The following MICB variants were observed in gnomAD, a reference collection of about 807,000 sequenced individuals.
The protein encoded by MICB is MHC class I polypeptide-related sequence B, also known as MHC class I antigen-related protein B.
Under a neutral mutation model 34.3 loss-of-function variants are expected in MICB, and 27 were observed. That is an observed-to-expected ratio of 0.79 (90% CI 0.58 to 1.08). The LOEUF (loss-of-function observed/expected upper bound fraction) is 1.08, where lower values mean the gene tolerates loss of function less well. Among genes scored for constraint, MICB ranks in the 50% least tolerant of loss-of-function variants. MICB has a pLI of 0.00. For synonymous variants in MICB, 153 were observed against 187.4 expected, an observed-to-expected ratio of 0.82 and a Z score of 1.50; for missense variants, 426 against 483.1, an observed-to-expected ratio of 0.88 and a Z score of 1.11.
intron 1 of MICB, among the ~76,000 whole-genome samples, chr6:31,500,785 C>CCA (rs1275742635): frequency 6.6e-6 from 1 of 152,198 alleles, no homozygotes; most frequent in African/African-American, 2.4e-5. Context: ...GAATAGTACT[C>CCA]CACATACACG....
intron 1 of MICB, among the ~76,000 whole-genome samples, chr6:31,499,447 T>C (rs1764898112): frequency 6.6e-6 from 1 of 151,062 alleles, no homozygotes; most frequent in South Asian, 2.1e-4. Flanking sequence ...TCCTGCCTCC[T>C]TTATGGGCCT....
upstream of MICB, among the ~76,000 whole-genome samples, chr6:31,496,366 CTTT>C (rs3034154): frequency 0.32 from 38,557 of 121,118 alleles, 3,885 homozygotes; most frequent in East Asian, 0.35. Flanking sequence ...TCCTTTTTTT[CTTT>C]TTTTTTTTTT....
chr6:31,494,969 C>T (rs1171676612), upstream of MICB: 1 of 70,186 alleles, frequency 1.4e-5, no homozygotes, highest in Non-Finnish European at 2.9e-5. Flanking sequence ...GAAGTCGCCT[C>T]TGTGCTCGTG....
At chr6:31,498,446 C>CTTTTTTTTTTTTT (rs9279321) in intron 1 of MICB, among the ~76,000 whole-genome samples, 183 bp downstream of exon 1, 5 of 89,306 alleles carry the variant, frequency 5.6e-5, no homozygotes, top group East Asian at 3.4e-4. Context: ...TCTCCCGTCT[C>CTTTTTTTTTTTTT]TTTTTTTTTT....
rs1765356351 is a variant in MICB, at chr6:31,506,717, C to A, written c.613+287C>A. 2.0e-5 allele frequency among the ~76,000 whole-genome samples: 3 copies of A among 152,154 alleles called. No homozygotes were observed. In the South Asian group the frequency reaches 6.2e-4, roughly 32 times the overall value. On this transcript the variant is annotated intron_variant, in intron 3 of 5. Transcript: ENST00000252229. Reference sequence around the variant, plus strand: ...GGAAGCCCTCAGGGCCAGGGCTGCCCCCTCTGCCTCCCGGCCTGCCCATCC... The same window carrying A: ...GGAAGCCCTCAGGGCCAGGGCTGCCACCTCTGCCTCCCGGCCTGCCCATCC...
intron 5 of MICB, among the ~76,000 whole-genome samples, chr6:31,509,048 A>G (rs531492898): frequency 6.6e-6 from 1 of 152,260 alleles, no homozygotes; most frequent in African/African-American, 2.4e-5. Context: ...ACAGAGCAGG[A>G]AGGCCTCACA....
At position 31,507,567 on chromosome 6, in the gene MICB, C is replaced by T. The variant is rs772593233; in HGVS notation, c.1024+36C>T. 3 of 1,613,388 alleles carry T rather than the reference C, an allele frequency of 1.9e-6. No individual in the cohort carries two copies. The highest frequency in any genetic ancestry group is 2.5e-6 in the Non-Finnish European group (3 of 1,179,648). ...GGGACAGTTTCTGGAGATGGGAAAG[C>T]TCCTTTCTAGGCAGTAGGGTCTCCT... On this transcript the variant is annotated intron_variant, in intron 5 of 5. Transcript: ENST00000252229. This position sits in a 1 kb window ranked among gnomAD's most constrained non-coding sequence, Gnocchi z 6.0.
chr6:31,505,960 C>G, intron 2 of MICB, 89 bp downstream of exon 2: 1 of 1,501,584 alleles, frequency 6.7e-7, no homozygotes, highest in Non-Finnish European at 8.9e-7. Context: ...CCCGCTGGAT[C>G]TGGCTGGGGG....
upstream of MICB, among the ~76,000 whole-genome samples, chr6:31,497,452 G>A (rs1764727405): frequency 6.6e-6 from 1 of 152,054 alleles, no homozygotes; most frequent in South Asian, 2.1e-4. Flanking sequence ...GATTACCCAG[G>A]AACTGAATAG....
In MICB at chr6:31,509,742, T is replaced by C. The variant is rs753099586; in HGVS notation, c.1025-40T>C. 7 of 1,577,634 alleles carry C rather than the reference T, an allele frequency of 4.4e-6. No homozygotes were observed. In the Admixed American group the frequency reaches 5.4e-5, roughly 12 times the overall value. ...AGTCCTTAGGGAATAAACACAACAC[T>C]GCACCCAGTGGAGCATTTACCCGTT... On this transcript the variant is annotated intron_variant, in intron 5 of 5. Transcript: ENST00000252229.
Position 31,506,395 on chromosome 6 carries a change from G to C in MICB, c.578G>C (p.Arg193Pro). 10 of 1,614,100 alleles carry C rather than the reference G, an allele frequency of 6.2e-6. No individual in the cohort carries two copies. The highest frequency in any genetic ancestry group is 7.6e-6 in the Non-Finnish European group (9 of 1,179,988). The change falls in exon 3 of 6, where the codon CGA (arginine) becomes CCA (proline). Residue 193 changes from arginine to proline, a missense_variant. Arg to Pro is a moderately radical substitution (Grantham distance 103). Transcript: ENST00000252229. ...GCAGACTGCCTGCAGAAACTACAGC[G>C]ATATCTGAAATCCGGGGTGGCCATC... ...MQADCLQKLQ[R>P]YLKSGVAIRR... is the part of the protein sequence containing the mutation.
upstream of MICB, among the ~76,000 whole-genome samples, chr6:31,495,154 T>A (rs2534681): frequency 0.49 from 73,794 of 151,576 alleles, 18,429 homozygotes; most frequent in East Asian, 0.64. Context: ...GCTCAAGACC[T>A]TCTTGGCCTC....
rs775923426 is a variant in MICB, at chr6:31,506,310, G to A, written c.493G>A (p.Val165Ile). 3.2e-5 allele frequency: 52 copies of A among 1,614,100 alleles called. No individual in the cohort carries two copies. In the Admixed American group the frequency reaches 3.5e-4, roughly 11 times the overall value. The change falls in exon 3 of 6, where the codon GTC becomes ATC. Residue 165 changes from valine (V) to isoleucine (I), a missense_variant. Coordinates refer to ENST00000252229, the MANE Select transcript of MICB (RefSeq NM_005931.5). ...CAGAGCTCAGACCTTGGCTATGAAC[G>A]TCACAAATTTCTGGAAGGAAGATGC... ...SSRAQTLAMN[V>I]TNFWKEDAMK...
chr6:31,502,152 A>G (rs578023284), intron 1 of MICB, among the ~76,000 whole-genome samples: 1 of 152,248 alleles, frequency 6.6e-6, no homozygotes, highest in Non-Finnish European at 1.5e-5. Flanking sequence ...CCTGATCAAC[A>G]TGGGGAAACC....
chr6:31,498,126 G>C (rs1764769837), upstream of MICB: 1 of 1,354,456 alleles, frequency 7.4e-7, no homozygotes, highest in East Asian at 3.2e-5. Context: ...AATTTCGACG[G>C]GGTCTTCTCA....
Position 31,507,070 on chromosome 6 carries a change from T to A in MICB, c.662T>A (p.Ile221Asn), listed in dbSNP as rs1329453815. 6.2e-7 allele frequency: 1 copy of A among 1,613,794 alleles called. No homozygotes were observed. ...VTCSEVSEGN[I>N]TVTCRASSFY... ...TGCAGCGAGGTCTCAGAGGGCAACATCACCGTGACATGCAGGGCTTCCAGC... is the reference window on the plus strand; with the variant it reads ...TGCAGCGAGGTCTCAGAGGGCAACAACACCGTGACATGCAGGGCTTCCAGC... Residue 221 changes from isoleucine to asparagine, a missense_variant, in exon 4 of 6, where the codon ATC becomes AAC. Physicochemically the swap from Ile to Asn is moderately radical, Grantham distance 149. Transcript: ENST00000252229. This position sits in a 1 kb window ranked among gnomAD's most constrained non-coding sequence, Gnocchi z 6.0.
In MICB at chr6:31,507,822, C is replaced by T. The variant is rs1237042397; in HGVS notation, c.1024+291C>T. On this transcript the variant is annotated intron_variant, in intron 5 of 5. Transcript: ENST00000252229. This position sits in a 1 kb window ranked among gnomAD's most constrained non-coding sequence, Gnocchi z 6.0. Reference sequence around the variant, plus strand: ...GCACCTGCTCTGTCCCCATCCCAGCCTCTCTGTCTCTCGGGCTCACTAGGG... The same window carrying T: ...GCACCTGCTCTGTCCCCATCCCAGCTTCTCTGTCTCTCGGGCTCACTAGGG... Among the ~76,000 whole-genome samples, 1 of 150,024 alleles carries T rather than the reference C, an allele frequency of 6.7e-6. No homozygotes were observed. Among genetic ancestry groups the T allele is most frequent in the African/African-American group, 2.5e-5 (1 of 40,444 alleles).
At chr6:31,509,415 G>A (rs576334743) in intron 5 of MICB, among the ~76,000 whole-genome samples, 1 of 152,340 alleles carries the variant, frequency 6.6e-6, no homozygotes, top group East Asian at 1.9e-4. Flanking sequence ...AGGAGAGAAG[G>A]GCCTGGGGAC....
intron 2 of MICB, 124 bp downstream of exon 2, chr6:31,505,995 A>G (rs768354768): frequency 1.8e-5 from 27 of 1,473,664 alleles, no homozygotes; most frequent in Non-Finnish European, 2.4e-5. Flanking sequence ...AGGGTCAGGG[A>G]GGCTCAGCAG....
Sources: allele counts gnomAD v4.1 joint callset (sites outside exome capture counted in the v4.1 genomes callset), GRCh38; gene constraint gnomAD v4.1.1; non-coding constraint Gnocchi (gnomAD v3.1); transcripts MANE v1.5; gene names NCBI Gene and HGNC (gene_info 2026-07-23, HGNC 2026-07-21).